The following OR51B5 variants were observed in gnomAD, a reference collection of about 807,000 sequenced individuals.
The protein encoded by OR51B5 is olfactory receptor 51B5.
For synonymous variants in OR51B5, 186 were observed against 144.8 expected, an observed-to-expected ratio of 1.28 and a Z score of -2.04; for missense variants, 456 against 374.6, an observed-to-expected ratio of 1.22 and a Z score of -1.79.
chr11:5,413,541 T>A (rs1318286583), intron 1 of OR51B5, among the ~76,000 whole-genome samples: 2 of 151,356 alleles, frequency 1.3e-5, no homozygotes, highest in Non-Finnish European at 2.9e-5. Flanking sequence ...TTGAAAAAAA[T>A]TTAGATGAAT....
intron 1 of OR51B5, chr11:5,351,613 A>G: frequency 6.2e-7 from 1 of 1,614,074 alleles, no homozygotes; most frequent in Middle Eastern, 1.7e-4. Context: ...CTACATCTCC[A>G]TACTTCTTGG....
intron 1 of OR51B5, among the ~76,000 whole-genome samples, chr11:5,478,724 C>T (rs942607082): frequency 1.3e-5 from 2 of 151,412 alleles, no homozygotes; most frequent in African/African-American, 4.9e-5. Context: ...GCAGAAGCCT[C>T]AGGAGCCGAT....
At position 5,488,865 on chromosome 11, in the gene OR51B5, C is replaced by T. The variant is rs571500852; in HGVS notation, n.84+16704G>A. 4.9e-5 allele frequency: 79 copies of T among 1,614,064 alleles called. No homozygotes were observed. The South Asian group carries it at 7.1e-4, about 15-fold the overall frequency. On this transcript the variant is annotated intron_variant and non_coding_transcript_variant, in intron 1 of 4. Coordinates refer to the OR51B5 transcript ENST00000415970. ...ATGCTGCCCTCATCCTGGTCATTGC[C>T]ATGGACAATGCTCTTCATGCACCTA...
intron 1 of OR51B5, among the ~76,000 whole-genome samples, chr11:5,417,311 A>T (rs950962295): frequency 9.2e-5 from 14 of 151,366 alleles, no homozygotes; most frequent in Non-Finnish European, 1.6e-4. Flanking sequence ...TTAGACCTAA[A>T]ACCATAAAAA....
chr11:5,422,753 G>A, intron 1 of OR51B5: 1 of 1,614,106 alleles, frequency 6.2e-7, no homozygotes, highest in Non-Finnish European at 8.5e-7. Flanking sequence ...CCTCCACCAG[G>A]ATATGATCCG....
At chr11:5,342,854 A>C (rs1284851166) in exon 1 of OR51B5, 1 of 1,612,900 alleles carries the variant, frequency 6.2e-7, no homozygotes, top group African/African-American at 1.3e-5. Flanking sequence ...GGCAATGCTC[A>C]GGACAGTCTT....
At chr11:5,478,202 C>A (rs1032880849) in intron 1 of OR51B5, among the ~76,000 whole-genome samples, 1 of 151,978 alleles carries the variant, frequency 6.6e-6, no homozygotes, top group Non-Finnish European at 1.5e-5. Context: ...GGTCCCTGAC[C>A]CCTGAACCCC....
At chr11:5,420,147 CTTAT>C (rs1232270990) in intron 1 of OR51B5, among the ~76,000 whole-genome samples, 5 of 151,592 alleles carry the variant, frequency 3.3e-5, no homozygotes, top group South Asian at 4.2e-4. Context: ...AGGTTTTATC[CTTAT>C]TTAAAATTAT....
chr11:5,372,984 A>C (rs1013445914), intron 1 of OR51B5, among the ~76,000 whole-genome samples: 1 of 152,304 alleles, frequency 6.6e-6, no homozygotes, highest in Admixed American at 6.5e-5. Context: ...ACATAGACCA[A>C]ATTGAACAGA....
At chr11:5,394,754 T>C (rs1849842534) in intron 1 of OR51B5, among the ~76,000 whole-genome samples, 1 of 152,230 alleles carries the variant, frequency 6.6e-6, no homozygotes, top group African/African-American at 2.4e-5. Flanking sequence ...AAGCCTGTTT[T>C]TGCTTCATCA....
chr11:5,423,898 T>A (rs1850399593), intron 1 of OR51B5, among the ~76,000 whole-genome samples: 1 of 151,720 alleles, frequency 6.6e-6, no homozygotes, highest in South Asian at 2.1e-4. Flanking sequence ...GAAAAACTCA[T>A]TTTTTTTCCG....
chr11:5,475,483 T>A (rs971143566), intron 1 of OR51B5, among the ~76,000 whole-genome samples: 3 of 152,174 alleles, frequency 2.0e-5, no homozygotes, highest in East Asian at 3.8e-4. Flanking sequence ...TAGTTATTTA[T>A]CCACCAACTC....
chr11:5,351,985 C>T lies in OR51B5; in HGVS notation n.85-5075G>A, dbSNP rs561942375. 1.1e-4 allele frequency: 170 copies of T among 1,613,306 alleles called. No homozygotes were observed. In the South Asian group the frequency reaches 1.7e-3, roughly 16 times the overall value. On this transcript the variant is annotated intron_variant and non_coding_transcript_variant, in intron 1 of 4. Coordinates refer to the OR51B5 transcript ENST00000415970. ...TCTGTCCATTATGCCAATAGTTGTT[C>T]GCCTACACTGGTTTCCCTACTGTCG...
chr11:5,439,697 G>A (rs1030325864), intron 1 of OR51B5, among the ~76,000 whole-genome samples: 6 of 152,076 alleles, frequency 3.9e-5, no homozygotes, highest in African/African-American at 1.2e-4. Flanking sequence ...ATCATATATC[G>A]AGAACCACTT....
At chr11:5,361,096 A>T (rs900731019) in intron 1 of OR51B5, among the ~76,000 whole-genome samples, 2 of 152,160 alleles carry the variant, frequency 1.3e-5, no homozygotes, top group Non-Finnish European at 2.9e-5. Context: ...CATATGTAAC[A>T]AACCTGCACG....
chr11:5,349,386 T>C (rs1849039850), intron 1 of OR51B5, among the ~76,000 whole-genome samples: 1 of 149,272 alleles, frequency 6.7e-6, no homozygotes. Flanking sequence ...ATTTTCCCTA[T>C]CTGGTATTCC....
intron 1 of OR51B5, chr11:5,489,108 G>C (rs370742351): frequency 2.5e-6 from 4 of 1,613,898 alleles, no homozygotes; most frequent in Middle Eastern, 1.7e-4. Context: ...ACCCATTAAG[G>C]TACACAACCA....
chr11:5,361,352 T>C (rs1387730654), intron 1 of OR51B5, among the ~76,000 whole-genome samples: 1 of 151,460 alleles, frequency 6.6e-6, no homozygotes, highest in East Asian at 1.9e-4. Context: ...GAGAGAGGAG[T>C]GGGCCGTAGG....
At position 5,348,751 on chromosome 11, in the gene OR51B5, A is replaced by G. The variant is rs547089924; in HGVS notation, n.85-1841T>C. ...TGGGTGGGTCTGCCTCTCCCAGTCTACTGACTCAAATGTTAATCTCCTTTG... is the reference window on the plus strand; with the variant it reads ...TGGGTGGGTCTGCCTCTCCCAGTCTGCTGACTCAAATGTTAATCTCCTTTG... On this transcript the variant is annotated intron_variant and non_coding_transcript_variant, in intron 1 of 4. Coordinates refer to the OR51B5 transcript ENST00000415970. 2.0e-4 allele frequency among the ~76,000 whole-genome samples: 31 copies of G among 152,182 alleles called. No individual in the cohort carries two copies. In the South Asian group the frequency reaches 3.3e-3, roughly 16 times the overall value.
Sources: allele counts gnomAD v4.1 joint callset (sites outside exome capture counted in the v4.1 genomes callset), GRCh38; gene constraint gnomAD v4.1.1; transcripts MANE v1.5; gene names NCBI Gene and HGNC (gene_info 2026-07-23, HGNC 2026-07-21).